Variants in APLF observed in about 807,000 individuals in gnomAD.
APLF encodes the protein aprataxin and PNK-like factor.
A neutral mutation model predicts 55.6 loss-of-function variants in APLF; 61 were observed. The observed-to-expected ratio is 1.10, with a 90% CI of 0.89 to 1.36. The LOEUF (loss-of-function observed/expected upper bound fraction) is 1.36, where lower values mean the gene tolerates loss of function less well. Among genes scored for constraint, APLF ranks in the 40% most tolerant of loss-of-function variants. APLF has a pLI of 0.00. For synonymous variants in APLF, 207 were observed against 214.8 expected (o/e 0.96, Z 0.32); for missense variants, 611 against 602.5 (o/e 1.01, Z -0.15).
intron 1 of APLF, 135 bp downstream of exon 1, chr2:68,467,962 CA>C: frequency 1.7e-6 from 1 of 576,244 alleles, no homozygotes; most frequent in Non-Finnish European, 2.6e-6. Context: ...TTTGGGGCCG[CA>C]CGTTTTTCAG....
chr2:68,537,177 AAG>A (rs1389033723), intron 6 of APLF, among the ~76,000 whole-genome samples: 16 of 152,088 alleles, frequency 1.1e-4, no homozygotes, highest in Admixed American at 2.6e-4. Flanking sequence ...AAAAAAAAAA[AAG>A]AGAAATTATA....
intron 5 of APLF, among the ~76,000 whole-genome samples, chr2:68,522,019 A>C (rs1669910858): frequency 1.3e-5 from 2 of 151,976 alleles, no homozygotes; most frequent in East Asian, 1.9e-4. Flanking sequence ...CTGTAGAATC[A>C]TGTTATCTAT....
In APLF at chr2:68,502,731, A is replaced by C. The variant is rs1295896247; in HGVS notation, c.169A>C (p.Ile57Leu). Residue 57 changes from isoleucine to leucine, a missense_variant and splice_region_variant, in exon 3 of 10, where the codon ATA (isoleucine) becomes CTA (leucine). By Grantham distance (5) the Ile-to-Leu change is conservative (BLOSUM62 2). Transcript: ENST00000303795. ...ATTATATTCTTTTTTAATTTGTTAGATACACACAAATCCATGTTTTTACCA... is the reference window on the plus strand; with the variant it reads ...ATTATATTCTTTTTTAATTTGTTAGCTACACACAAATCCATGTTTTTACCA... ...VAGGQLRIKP[I>L]HTNPCFYQSS... 1.3e-6 allele frequency: 2 copies of C among 1,485,562 alleles called. No homozygotes were observed. Among genetic ancestry groups the C allele is most frequent in the Non-Finnish European group, 1.8e-6 (2 of 1,119,918 alleles). The allele number at this position is 1,485,562 out of a possible 1,614,324, so 92.0% of individuals were successfully genotyped here.
intron 1 of APLF, among the ~76,000 whole-genome samples, chr2:68,478,523 G>T (rs1387682136): frequency 1.3e-5 from 2 of 152,198 alleles, no homozygotes; most frequent in Non-Finnish European, 2.9e-5. Context: ...TAAAGCTCGA[G>T]AATTTAATGC....
In APLF at chr2:68,480,440, A is replaced by G. The variant is rs144113407; in HGVS notation, c.97-9750A>G. 2.6e-5 allele frequency among the ~76,000 whole-genome samples: 4 copies of G among 151,784 alleles called. No individual in the cohort carries two copies. In the East Asian group the frequency reaches 7.7e-4, roughly 29 times the overall value. On this transcript the variant is annotated intron_variant, in intron 1 of 9. Transcript: ENST00000303795. Reference sequence around the variant, plus strand: ...TGCCTCAGCCTCCCGAGTAGCTGGGATTACAGGCGCCCACCACCATGTGCA... The same window carrying G: ...TGCCTCAGCCTCCCGAGTAGCTGGGGTTACAGGCGCCCACCACCATGTGCA...
At position 68,579,089 on chromosome 2, in the gene APLF, A is replaced by T. The variant is rs983535863; in HGVS notation, c.*1067A>T. The stretch of plus-strand genomic sequence containing the variant: ...TTGAAATCATAAATCACTAAGCCAA[A>T]AGAATCTTTGTTAAATGCTATTATT... On this transcript the variant is annotated 3_prime_UTR_variant, in exon 10 of 10. Transcript: ENST00000303795. 2 of 977,900 alleles carry T rather than the reference A, an allele frequency of 2.0e-6. No homozygotes were observed. The highest frequency in any genetic ancestry group is 5.2e-4 in the Middle Eastern group (1 of 1,930). 60.6% of individuals were successfully genotyped at this position (977,900 alleles called of 1,614,324 possible).
chr2:68,556,182 T>C (rs1196508664), intron 8 of APLF, among the ~76,000 whole-genome samples: 2 of 152,082 alleles, frequency 1.3e-5, no homozygotes, highest in Non-Finnish European at 2.9e-5. Flanking sequence ...AAAGATACAA[T>C]GGGCTTTGGG....
rs921778311 is a variant in APLF, at chr2:68,563,080, T to C, written c.1287-4261T>C. ...AGCTGGCAAAGTTTTATCGATATTA[T>C]TTCTTTTGCTTTAGGTTGGAAGTTC... On this transcript the variant is annotated intron_variant, in intron 8 of 9. Coordinates refer to ENST00000303795, the MANE Select transcript of APLF (RefSeq NM_173545.3). The C allele has an allele frequency of 7.1e-6, 7 of 985,134 alleles. No individual in the cohort carries two copies. The African/African-American group carries it at 1.2e-4, about 17-fold the overall frequency. 61.0% of individuals were successfully genotyped at this position (985,134 alleles called of 1,614,324 possible).
chr2:68,528,127 T>C (rs1670133553), intron 6 of APLF: 2 of 585,020 alleles, frequency 3.4e-6, no homozygotes, highest in Non-Finnish European at 6.1e-6. Context: ...TGCTCCTCAC[T>C]TCCCAGATGG....
Position 68,529,397 on chromosome 2 carries a change from G to C in APLF, c.804+3155G>C. On this transcript the variant is annotated intron_variant, in intron 6 of 9. Transcript: ENST00000303795. The surrounding 1 kb of genome is among the most constrained non-coding windows in gnomAD (Gnocchi z 4.4). ...GAAGGCCTCACGGACAAGACGAGCA[G>C]GTTGCCGATGGCATGGCCAGGACCT... is the stretch of plus-strand genomic sequence containing the variant. 1 of 1,265,822 alleles carries C rather than the reference G, an allele frequency of 7.9e-7. No homozygotes were observed. Among genetic ancestry groups the C allele is most frequent in the Non-Finnish European group, 1.0e-6 (1 of 1,004,988 alleles). The allele number at this position is 1,265,822 out of a possible 1,614,324, so 78.4% of individuals were successfully genotyped here.
Position 68,541,331 on chromosome 2 carries a change from TATA to T in APLF, c.1160+3108_1160+3110del, listed in dbSNP as rs927823151. ...AATTACCCTTTATGTTATATTTAAA[TATA>T]ATATTAGAAGGGTGAAAAGGCAAGG... On this transcript the variant is annotated intron_variant, in intron 7 of 9. Transcript: ENST00000303795. Among the ~76,000 whole-genome samples the T allele has an allele frequency of 1.7e-4, 26 of 152,138 alleles. No homozygotes were observed. The South Asian group carries it at 2.1e-3, about 12-fold the overall frequency.
intron 8 of APLF, among the ~76,000 whole-genome samples, chr2:68,559,098 A>G (rs1190914117): frequency 1.3e-5 from 2 of 152,140 alleles, no homozygotes; most frequent in Non-Finnish European, 2.9e-5. Flanking sequence ...GGTTATGCTA[A>G]TTCTGTAGCA....
At chr2:68,554,992 GA>G (rs1450317055) in intron 8 of APLF, among the ~76,000 whole-genome samples, 1 of 151,880 alleles carries the variant, frequency 6.6e-6, no homozygotes, top group African/African-American at 2.4e-5. Flanking sequence ...AGAGAGCCCA[GA>G]AAAAAACCCC....
At chr2:68,486,763 AATT>A (rs137920470) in intron 1 of APLF, among the ~76,000 whole-genome samples, 1,629 of 152,206 alleles carry the variant, frequency 0.011, 41 homozygotes, top group African/African-American at 0.037. Flanking sequence ...AGGTGACTAT[AATT>A]ATTCTATAAA....
At chr2:68,518,457 A>G (rs1669733259) in intron 5 of APLF, among the ~76,000 whole-genome samples, 1 of 114,520 alleles carries the variant, frequency 8.7e-6, no homozygotes, top group Non-Finnish European at 1.6e-5. Flanking sequence ...TATATTATAT[A>G]TTATATAACA....
chr2:68,496,074 T>C (rs1573175348), intron 2 of APLF, among the ~76,000 whole-genome samples: 1 of 152,184 alleles, frequency 6.6e-6, no homozygotes, highest in East Asian at 1.9e-4. Flanking sequence ...CTCCATTGTC[T>C]TGGATATTAG....
At position 68,521,755 on chromosome 2, in the gene APLF, A is replaced by G. The variant is rs375780834; in HGVS notation, c.623-4306A>G. Among the ~76,000 whole-genome samples the G allele has an allele frequency of 8.0e-4, 121 of 152,098 alleles. 1 individual carries two copies. Among genetic ancestry groups the G allele is most frequent in the African/African-American group, 2.8e-3 (118 of 41,546 alleles). The stretch of plus-strand genomic sequence containing the variant: ...AAGCTACCAACGTGAAGTTGTAAAA[A>G]GTGGCACATGCTGATGAAGATTGAA... On this transcript the variant is annotated intron_variant, in intron 5 of 9. Transcript: ENST00000303795.
intron 7 of APLF, among the ~76,000 whole-genome samples, chr2:68,543,981 C>CTTT (rs71395974): frequency 5.4e-5 from 7 of 128,954 alleles, no homozygotes; most frequent in East Asian, 4.4e-4. Context: ...ATTGTATTTT[C>CTTT]TTTTTTTTTT....
At chr2:68,561,434 G>A (rs926221977) in intron 8 of APLF, among the ~76,000 whole-genome samples, 2 of 152,124 alleles carry the variant, frequency 1.3e-5, no homozygotes, top group Non-Finnish European at 2.9e-5. Flanking sequence ...ACAGGCCCAA[G>A]ACACTGTGGC....
Sources: gnomAD v4.1 joint callset for allele counts (sites outside exome capture counted in the v4.1 genomes callset) on GRCh38, gnomAD v4.1.1 for gene constraint, Gnocchi (gnomAD v3.1) non-coding constraint, MANE v1.5 for transcripts, NCBI Gene and HGNC (gene_info 2026-07-23, HGNC 2026-07-21) for gene names.